The following KLF7 variants were observed in gnomAD, a reference collection of about 807,000 sequenced individuals.
KLF7 encodes KLF transcription factor 7.
Under a neutral mutation model 27.3 loss-of-function variants are expected in KLF7, and 2 were observed. The observed-to-expected ratio is 0.07, with a 90% CI of 0.03 to 0.23. The LOEUF (loss-of-function observed/expected upper bound fraction) is 0.23. Among genes scored for constraint, KLF7 ranks in the 10% least tolerant of loss-of-function variants. The pLI is 1.00. For synonymous variants in KLF7, 165 were observed against 162.4 expected (o/e 1.02, Z -0.12); for missense variants, 221 against 394.1 (o/e 0.56, Z 3.72).
At chr2:207,142,366 T>A (rs2077967913) in intron 1 of KLF7, among the ~76,000 whole-genome samples, 1 of 152,208 alleles carries the variant, frequency 6.6e-6, no homozygotes. Flanking sequence ...TATCTTGTAC[T>A]TCTTTCAAAT....
chr2:207,081,788 T>C (rs1309619109), intron 3 of KLF7, among the ~76,000 whole-genome samples: 2 of 146,078 alleles, frequency 1.4e-5, no homozygotes, highest in African/African-American at 5.1e-5. Flanking sequence ...AACTTTACAA[T>C]GAAAGCCTAG....
chr2:207,169,850 T>C (rs369730523), upstream of KLF7, among the ~76,000 whole-genome samples: 1 of 152,156 alleles, frequency 6.6e-6, no homozygotes, highest in East Asian at 1.9e-4. Context: ...TTAACTAGTG[T>C]GTGTGTGCGT....
chr2:207,128,188 T>C (rs1352083887), intron 1 of KLF7, among the ~76,000 whole-genome samples: 1 of 152,116 alleles, frequency 6.6e-6, no homozygotes, highest in Admixed American at 6.5e-5. Context: ...GAAGTGCTCA[T>C]AAAGTGATGA....
intron 2 of KLF7, among the ~76,000 whole-genome samples, chr2:207,118,142 T>C (rs941260409): frequency 2.0e-5 from 3 of 152,374 alleles, no homozygotes; most frequent in Middle Eastern, 6.8e-3. Context: ...TTTTTTGTTG[T>C]TGTGGTTCCT....
intron 1 of KLF7, among the ~76,000 whole-genome samples, chr2:207,153,626 CT>C (rs5838051): frequency 0.59 from 88,255 of 149,670 alleles, 27,156 homozygotes; most frequent in East Asian, 0.89. Context: ...TATTAAGAAT[CT>C]TTTTTTTTTT....
intron 1 of KLF7, among the ~76,000 whole-genome samples, chr2:207,164,227 G>A (rs767664937): frequency 2.6e-5 from 4 of 152,166 alleles, no homozygotes; most frequent in Non-Finnish European, 5.9e-5. Context: ...TTTGGATCCC[G>A]GCAGAGGAAA....
intron 1 of KLF7, among the ~76,000 whole-genome samples, chr2:207,162,446 T>C (rs1011446727): frequency 6.6e-6 from 1 of 152,208 alleles, no homozygotes; most frequent in Non-Finnish European, 1.5e-5. Flanking sequence ...AAAGATGATG[T>C]TACTTGGGCC....
chr2:207,166,239 GC>G (rs1306254242), upstream of KLF7: 1 of 944,870 alleles, frequency 1.1e-6, no homozygotes, highest in Non-Finnish European at 1.3e-6. Flanking sequence ...CCAATGGGGA[GC>G]CCGGAGCAGA....
chr2:207,082,244 G>A (rs1287151833), intron 3 of KLF7, among the ~76,000 whole-genome samples: 1 of 152,162 alleles, frequency 6.6e-6, no homozygotes, highest in Non-Finnish European at 1.5e-5. Flanking sequence ...GACCTGTAAA[G>A]GCCAATGAGA....
intron 2 of KLF7, among the ~76,000 whole-genome samples, chr2:207,108,212 C>T (rs1450396530): frequency 6.6e-6 from 1 of 152,080 alleles, no homozygotes; most frequent in Non-Finnish European, 1.5e-5. Context: ...AAAACAAAAA[C>T]AAAAACTTTA....
chr2:207,112,909 T>C (rs1263625), intron 2 of KLF7, among the ~76,000 whole-genome samples: 124,772 of 152,264 alleles, frequency 0.82, 51,787 homozygotes, highest in African/African-American at 0.9. Flanking sequence ...GTTATTGCCA[T>C]GTAAATGCTA....
In KLF7 at chr2:207,104,309, C is replaced by T. The variant is rs186815353; in HGVS notation, c.734-15728G>A. Among the ~76,000 whole-genome samples the T allele has an allele frequency of 2.3e-3, 351 of 152,206 alleles. 1 individual carries two copies. The highest frequency in any genetic ancestry group is 3.7e-3 in the Non-Finnish European group (249 of 68,006). On this transcript the variant is annotated intron_variant, in intron 2 of 3. Transcript: ENST00000309446. Reference sequence around the variant, plus strand: ...ATGAAATGTCTATATTTTCCTTCCTCGTGTAGATACACATATAGCAGAAAA... The same window carrying T: ...ATGAAATGTCTATATTTTCCTTCCTTGTGTAGATACACATATAGCAGAAAA...
chr2:207,129,850 G>T (rs1297673651), intron 1 of KLF7, among the ~76,000 whole-genome samples: 2 of 152,082 alleles, frequency 1.3e-5, no homozygotes, highest in African/African-American at 4.8e-5. Flanking sequence ...TTGCTCAGAG[G>T]CAGAATTTTC....
Position 207,124,273 on chromosome 2 carries a change from G to C in KLF7, c.234C>G (p.Asp78Glu). 1 of 1,614,120 alleles carries C rather than the reference G, an allele frequency of 6.2e-7. No homozygotes were observed. Among genetic ancestry groups the C allele is most frequent in the Non-Finnish European group, 8.5e-7 (1 of 1,180,006 alleles). ...CCGCTTCCACGGGGAGCAGCAGGGGGTCTAAGCGACGGAAGCTTTCCTCAA... is the reference window on the plus strand; with the variant it reads ...CCGCTTCCACGGGGAGCAGCAGGGGCTCTAAGCGACGGAAGCTTTCCTCAA... ...PCIEESFRRL[D>E]PLLLPVEAAI... Residue 78 changes from aspartate (D) to glutamate (E), a missense_variant, in exon 2 of 4, where the codon GAC (aspartate) becomes GAG (glutamate). Physicochemically the swap from Asp to Glu is conservative, Grantham distance 45 (BLOSUM62 2). This residue lies in a region of KLF7 where 180 missense variants were observed against 227.9 expected (regional missense o/e 0.79). Transcript: ENST00000309446.
chr2:207,163,158 G>C (rs1574602530), intron 1 of KLF7, among the ~76,000 whole-genome samples: 1 of 152,208 alleles, frequency 6.6e-6, no homozygotes, highest in Non-Finnish European at 1.5e-5. Flanking sequence ...CCTTTATATA[G>C]AGCAGTTGTG....
chr2:207,166,921 C>G, upstream of KLF7: 1 of 976,362 alleles, frequency 1.0e-6, no homozygotes, highest in Non-Finnish European at 1.3e-6. Flanking sequence ...TGCGCACAGT[C>G]CCCGCCCCGC....
chr2:207,131,990 A>C (rs1299400598), intron 1 of KLF7, among the ~76,000 whole-genome samples: 1 of 152,198 alleles, frequency 6.6e-6, no homozygotes, highest in Non-Finnish European at 1.5e-5. Context: ...GGATGCATGA[A>C]CCAGTGCAAG....
chr2:207,166,905 C>A, upstream of KLF7: 1 of 1,055,302 alleles, frequency 9.5e-7, no homozygotes, highest in Non-Finnish European at 1.2e-6. Flanking sequence ...GCGCCCGCCC[C>A]CCGCTTGCGC....
At chr2:207,151,570 T>A (rs75468794) in intron 1 of KLF7, among the ~76,000 whole-genome samples, 2 of 152,284 alleles carry the variant, frequency 1.3e-5, no homozygotes, top group East Asian at 3.9e-4. Flanking sequence ...TGGTTCTCTT[T>A]TGCAGGGAAA....
Sources: allele counts gnomAD v4.1 joint callset (sites outside exome capture counted in the v4.1 genomes callset), GRCh38; gene constraint gnomAD v4.1.1; regional missense constraint gnomAD v4.1.1; transcripts MANE v1.5; gene names NCBI Gene and HGNC (gene_info 2026-07-23, HGNC 2026-07-21).